The following UGT2B4 variants were observed in gnomAD, a reference collection of about 807,000 sequenced individuals.
UGT2B4 encodes the protein UDP glucuronosyltransferase family 2 member B4, also known as UDP-glucuronosyltransferase 2B4.
In UGT2B4, 49 loss-of-function variants were observed where a neutral mutation model predicts 49.8. That is an observed-to-expected ratio of 0.98 (90% CI 0.78 to 1.25). The LOEUF (loss-of-function observed/expected upper bound fraction) is 1.25, where lower values mean the gene tolerates loss of function less well. UGT2B4 is among the 50% of genes most tolerant of loss of function. UGT2B4 has a pLI of 0.00. For synonymous variants in UGT2B4, 246 were observed against 217.7 expected, an observed-to-expected ratio of 1.13 and a Z score of -1.14; for missense variants, 729 against 627.7, an observed-to-expected ratio of 1.16 and a Z score of -1.73.
intron 1 of UGT2B4, among the ~76,000 whole-genome samples, chr4:69,518,722 C>T (rs1224871939): frequency 2.0e-5 from 3 of 152,158 alleles, no homozygotes; most frequent in East Asian, 1.9e-4. Context: ...AACCAATTGA[C>T]ATCCATTGCC....
At position 69,495,443 on chromosome 4, in the gene UGT2B4, A is replaced by T. The variant is rs971490418; in HGVS notation, c.419T>A (p.Leu140Gln). The change falls in exon 1 of 6, where the codon CTA (leucine) becomes CAA (glutamine). Residue 140 changes from leucine to glutamine, a missense_variant. Leu to Gln is a moderately radical substitution (Grantham distance 113, BLOSUM62 -2). Transcript: ENST00000305107. The stretch of plus-strand genomic sequence containing the variant: ...AACAACATCAAATCTTGACTCCTGT[A>T]GTTTCTTCATAAGTTTCTTATTTGA... Reference protein sequence around the residue: ...IVSNKKLMKKLQESRFDVVLA... With the variant: ...IVSNKKLMKKQQESRFDVVLA... 4 of 1,613,760 alleles carry T rather than the reference A, an allele frequency of 2.5e-6. No individual in the cohort carries two copies. The highest frequency in any genetic ancestry group is 3.4e-6 in the Non-Finnish European group (4 of 1,179,864).
chr4:69,491,611 C>T (rs986484406), intron 2 of UGT2B4, among the ~76,000 whole-genome samples: 1 of 152,082 alleles, frequency 6.6e-6, no homozygotes, highest in Non-Finnish European at 1.5e-5. Flanking sequence ...CTTTCACAAC[C>T]ATTGACTTGC....
intron 1 of UGT2B4, among the ~76,000 whole-genome samples, chr4:69,512,715 G>GTT (rs144380672): frequency 4.0e-5 from 6 of 151,800 alleles, no homozygotes; most frequent in African/African-American, 1.5e-4. Context: ...ACCAGCATCT[G>GTT]TTTTTTTTTT....
intron 1 of UGT2B4, among the ~76,000 whole-genome samples, chr4:69,510,990 C>T (rs576561047): frequency 0.18 from 18,736 of 105,382 alleles, 1,764 homozygotes; most frequent in Non-Finnish European, 0.23. Context: ...TTCTTTTCTT[C>T]TTTTTTTTTT....
intron 5 of UGT2B4, 130 bp from the exon 6 acceptor site, chr4:69,481,040 C>T: frequency 1.3e-6 from 1 of 748,520 alleles, no homozygotes; most frequent in Non-Finnish European, 1.9e-6. Flanking sequence ...AGATCAAGAC[C>T]ATCCTGGCTA....
upstream of UGT2B4, among the ~76,000 whole-genome samples, chr4:69,497,287 T>C (rs1166223738): frequency 6.6e-6 from 1 of 152,186 alleles, no homozygotes. Context: ...ACTGATTTTA[T>C]CTTCATTATC....
intron 2 of UGT2B4, among the ~76,000 whole-genome samples, chr4:69,493,367 G>C (rs577293965): frequency 1.8e-4 from 28 of 152,160 alleles, no homozygotes; most frequent in African/African-American, 6.5e-4. Flanking sequence ...TAGAAACTGT[G>C]TCCCATACAC....
intron 1 of UGT2B4, among the ~76,000 whole-genome samples, chr4:69,507,741 A>C (rs1415962016): frequency 6.6e-6 from 1 of 152,214 alleles, no homozygotes; most frequent in African/African-American, 2.4e-5. Flanking sequence ...TGTAAAACCC[A>C]AAACTATAAA....
intron 1 of UGT2B4, among the ~76,000 whole-genome samples, chr4:69,516,732 G>C (rs569334318): frequency 6.6e-6 from 1 of 151,958 alleles, no homozygotes; most frequent in Non-Finnish European, 1.5e-5. Flanking sequence ...TCAGTCTCTC[G>C]GAGTAGCTGG....
At chr4:69,485,501 G>A in intron 4 of UGT2B4, 74 bp from the exon 5 acceptor site, 1 of 1,582,386 alleles carries the variant, frequency 6.3e-7, no homozygotes, top group Non-Finnish European at 8.7e-7. Flanking sequence ...GAATCTGAAT[G>A]TGACGGTGTT....
chr4:69,510,609 T>G (rs1360775571), intron 1 of UGT2B4, among the ~76,000 whole-genome samples: 2 of 152,188 alleles, frequency 1.3e-5, no homozygotes, highest in Admixed American at 1.3e-4. Context: ...TTCTTTTTCT[T>G]AATTCCTTTT....
chr4:69,509,801 T>C (rs1654329048), intron 1 of UGT2B4, among the ~76,000 whole-genome samples: 1 of 152,184 alleles, frequency 6.6e-6, no homozygotes, highest in African/African-American at 2.4e-5. Flanking sequence ...GTTTCATAGA[T>C]TGCCTTTATA....
At chr4:69,496,853 G>A (rs376363194), upstream of UGT2B4, among the ~76,000 whole-genome samples, 4 of 151,642 alleles carry the variant, frequency 2.6e-5, no homozygotes, top group African/African-American at 7.3e-5. Flanking sequence ...TAGCATTTAC[G>A]TGTTGATTCT....
intron 5 of UGT2B4, among the ~76,000 whole-genome samples, chr4:69,481,656 G>C (rs1343442608): frequency 6.6e-6 from 1 of 152,150 alleles, no homozygotes; most frequent in Non-Finnish European, 1.5e-5. Context: ...TTATCTTTGT[G>C]TTATGAAATA....
At chr4:69,500,605 G>GAAAAA (rs57424138), upstream of UGT2B4, among the ~76,000 whole-genome samples, 5 of 130,546 alleles carry the variant, frequency 3.8e-5, no homozygotes, top group African/African-American at 1.4e-4. Context: ...AAGAAAGCAA[G>GAAAAA]GAAGAAAGAA....
At chr4:69,493,129 C>A (rs1728043363) in intron 2 of UGT2B4, among the ~76,000 whole-genome samples, 1 of 151,944 alleles carries the variant, frequency 6.6e-6, no homozygotes, top group Non-Finnish European at 1.5e-5. Flanking sequence ...GAACACTTTA[C>A]CTGCTTTTCT....
At chr4:69,509,519 T>A (rs1219130983) in intron 1 of UGT2B4, among the ~76,000 whole-genome samples, 3 of 152,174 alleles carry the variant, frequency 2.0e-5, no homozygotes, top group Non-Finnish European at 4.4e-5. Context: ...CTTGTGTGCA[T>A]CTGTGCTAAA....
chr4:69,485,528 G>T, intron 4 of UGT2B4, 101 bp from the exon 5 acceptor site: 1 of 1,492,926 alleles, frequency 6.7e-7, no homozygotes, highest in Non-Finnish European at 9.2e-7. Context: ...ATAACACACT[G>T]AACTGAATTA....
At chr4:69,518,163 C>A in intron 1 of UGT2B4, 1 of 153,654 alleles carries the variant, frequency 6.5e-6, no homozygotes, top group Admixed American at 6.5e-5. Context: ...TGTCATGTGG[C>A]ACTTGGACCA....
Sources: gnomAD v4.1 joint callset for allele counts (sites outside exome capture counted in the v4.1 genomes callset) on GRCh38, gnomAD v4.1.1 for gene constraint, MANE v1.5 for transcripts, NCBI Gene and HGNC (gene_info 2026-07-23, HGNC 2026-07-21) for gene names.